Variants in CRIM1 observed in about 807,000 individuals in gnomAD.
CRIM1 encodes the protein cysteine rich transmembrane BMP regulator 1.
CRIM1 carries 32 observed loss-of-function variants against 116.4 expected under a neutral mutation model. The observed-to-expected ratio is 0.27, with a 90% confidence interval of 0.21 to 0.37. CRIM1 has a LOEUF of 0.37. CRIM1 is among the 10% of genes least tolerant of loss of function. The probability of loss-of-function intolerance (pLI) is 1.00; values close to 1 mark genes in which losing one functional copy is unlikely to be tolerated. For missense variants in CRIM1, 1,331 were observed against 1,354.8 expected (o/e 0.98, Z 0.28); for synonymous variants, 590 against 509.2 (o/e 1.16, Z -2.13).
intron 1 of CRIM1, among the ~76,000 whole-genome samples, chr2:36,385,613 A>G (rs79946099): frequency 0.014 from 2,143 of 152,200 alleles, 42 homozygotes; most frequent in African/African-American, 0.049. Context: ...TCCAGGCCGT[A>G]TTACTGGAGA....
intron 1 of CRIM1, among the ~76,000 whole-genome samples, chr2:36,362,734 C>T (rs1445619633): frequency 1.3e-5 from 2 of 152,150 alleles, no homozygotes; most frequent in Non-Finnish European, 2.9e-5. Flanking sequence ...AAACACTAAA[C>T]TCTTACGTGT....
At chr2:36,477,120 A>C in intron 6 of CRIM1, 49 bp downstream of exon 6, 1 of 1,420,292 alleles carries the variant, frequency 7.0e-7, no homozygotes, top group Non-Finnish European at 9.5e-7. Flanking sequence ...CATGGTATAG[A>C]GTTCTAAAAT....
chr2:36,505,857 C>T (rs1248258377), intron 8 of CRIM1, among the ~76,000 whole-genome samples: 1 of 152,122 alleles, frequency 6.6e-6, no homozygotes, highest in African/African-American at 2.4e-5. Flanking sequence ...TTGTAAGGAG[C>T]ACCTCCTTCT....
At chr2:36,457,547 A>G (rs1458667439) in intron 4 of CRIM1, among the ~76,000 whole-genome samples, 3 of 152,124 alleles carry the variant, frequency 2.0e-5, no homozygotes, top group Non-Finnish European at 2.9e-5. Flanking sequence ...ATGCCAGGAA[A>G]TCACGCAGGA....
rs79443883 is a variant in CRIM1 at position 36,538,314 on chromosome 2, G to A, written c.2623+768G>A. ...CTAATCCCAGAAATGTAAGACCTGA[G>A]CCCTCTCCCTGGGGACTGACCCCTA... On this transcript the variant is annotated intron_variant, in intron 14 of 16. Coordinates refer to ENST00000280527, the MANE Select transcript of CRIM1 (RefSeq NM_016441.3). Among the ~76,000 whole-genome samples, 23 of 152,174 alleles carry A rather than the reference G, an allele frequency of 1.5e-4. 1 individual carries two copies. The East Asian group carries it at 4.2e-3, about 28-fold the overall frequency.
intron 14 of CRIM1, among the ~76,000 whole-genome samples, chr2:36,538,057 C>T (rs1000421909): frequency 6.6e-6 from 1 of 152,218 alleles, no homozygotes; most frequent in African/African-American, 2.4e-5. Flanking sequence ...AAGCCCTCAG[C>T]TGAACTGCCC....
intron 2 of CRIM1, among the ~76,000 whole-genome samples, chr2:36,408,154 T>C (rs1056620833): frequency 2.0e-5 from 3 of 152,174 alleles, no homozygotes; most frequent in South Asian, 2.1e-4. Context: ...ATTGTTAATA[T>C]TGCAAGGACA....
chr2:36,382,202 C>T (rs987232450), intron 1 of CRIM1, among the ~76,000 whole-genome samples: 2 of 152,242 alleles, frequency 1.3e-5, no homozygotes, highest in African/African-American at 4.8e-5. Context: ...ACTAGCAGAT[C>T]ATGCTGTTTC....
intron 2 of CRIM1, among the ~76,000 whole-genome samples, chr2:36,438,594 C>T (rs1486876956): frequency 6.6e-6 from 1 of 152,176 alleles, no homozygotes; most frequent in African/African-American, 2.4e-5. Context: ...TTCTCTGAGA[C>T]TCCTGTTTGA....
intron 2 of CRIM1, among the ~76,000 whole-genome samples, chr2:36,418,751 T>C (rs1377476663): frequency 6.9e-6 from 1 of 145,350 alleles, no homozygotes; most frequent in Non-Finnish European, 1.5e-5. Context: ...CAGGGTCAGA[T>C]GACTGAGGTG....
intron 1 of CRIM1, among the ~76,000 whole-genome samples, chr2:36,365,498 G>C (rs1240138844): frequency 6.6e-6 from 1 of 152,164 alleles, no homozygotes; most frequent in Admixed American, 6.5e-5. Flanking sequence ...GCAGGAGAGG[G>C]TGTGAGGGCC....
At chr2:36,465,615 G>A (rs560225253) in intron 5 of CRIM1, among the ~76,000 whole-genome samples, 4 of 152,126 alleles carry the variant, frequency 2.6e-5, no homozygotes, top group East Asian at 1.9e-4. Flanking sequence ...TTTTAGGCCC[G>A]TGGCCAAGTT....
At chr2:36,490,031 C>T (rs1052376690) in intron 7 of CRIM1, among the ~76,000 whole-genome samples, 9 of 152,190 alleles carry the variant, frequency 5.9e-5, no homozygotes, top group African/African-American at 9.7e-5. Context: ...ACCCACCCAC[C>T]GTCTCAGATG....
chr2:36,522,695 C>T (rs192454639), intron 13 of CRIM1, among the ~76,000 whole-genome samples: 86 of 150,484 alleles, frequency 5.7e-4, no homozygotes, highest in Non-Finnish European at 1.1e-3. Context: ...CCAGCTACTC[C>T]GGAGGCTGAG....
At chr2:36,540,456 T>G (rs1223983387) in intron 14 of CRIM1, among the ~76,000 whole-genome samples, 1 of 152,208 alleles carries the variant, frequency 6.6e-6, no homozygotes, top group Admixed American at 6.5e-5. Context: ...ACAGATGTGC[T>G]GTCTTCATTG....
At chr2:36,514,621 A>C (rs1350848985) in intron 11 of CRIM1, among the ~76,000 whole-genome samples, 1 of 152,188 alleles carries the variant, frequency 6.6e-6, no homozygotes, top group South Asian at 2.1e-4. Context: ...ATTTCTTTCA[A>C]AGTTAAGTCT....
chr2:36,369,571 A>G (rs1309932030), intron 1 of CRIM1, among the ~76,000 whole-genome samples: 1 of 152,150 alleles, frequency 6.6e-6, no homozygotes, highest in East Asian at 1.9e-4. Context: ...GGAGCTTTTG[A>G]CCTGCAAACA....
chr2:36,416,547 G>A (rs1377426741), intron 2 of CRIM1, among the ~76,000 whole-genome samples: 3 of 152,208 alleles, frequency 2.0e-5, no homozygotes, highest in Admixed American at 2.0e-4. Flanking sequence ...CACTGCGTTT[G>A]TCTTCTGAAA....
At chr2:36,445,670 A>AG (rs1676184914) in intron 4 of CRIM1, among the ~76,000 whole-genome samples, 1 of 152,104 alleles carries the variant, frequency 6.6e-6, no homozygotes, top group Non-Finnish European at 1.5e-5. Flanking sequence ...TGTGGCTTAG[A>AG]CCCATTCAGC....
Sources: gnomAD v4.1 joint callset for allele counts (sites outside exome capture counted in the v4.1 genomes callset) on GRCh38, gnomAD v4.1.1 for gene constraint, MANE v1.5 for transcripts, NCBI Gene and HGNC (gene_info 2026-07-23, HGNC 2026-07-21) for gene names.